The following KCNJ6 variants were observed in gnomAD, a reference collection of about 807,000 sequenced individuals.
The protein encoded by KCNJ6 is potassium inwardly rectifying channel subfamily J member 6, also known as G protein-activated inward rectifier potassium channel 2.
In KCNJ6, 9 loss-of-function variants were observed where a neutral mutation model predicts 34.2. That is an observed-to-expected ratio of 0.26 (90% confidence interval 0.16 to 0.46). KCNJ6 has a LOEUF of 0.46. Among genes scored for constraint, KCNJ6 ranks in the 20% least tolerant of loss-of-function variants. The probability of loss-of-function intolerance (pLI) is 1.00; values close to 1 mark genes in which losing one functional copy is unlikely to be tolerated. For missense variants in KCNJ6, 236 were observed against 531.3 expected (o/e 0.44, Z 5.46); for synonymous variants, 196 against 207.1 (o/e 0.95, Z 0.46).
chr21:37,632,637 G>A (rs887123410), intron 3 of KCNJ6, among the ~76,000 whole-genome samples: 27 of 152,118 alleles, frequency 1.8e-4, no homozygotes, highest in Non-Finnish European at 3.7e-4. Context: ...AGTAAAAGGT[G>A]TAGAAGGCAA....
intron 3 of KCNJ6, among the ~76,000 whole-genome samples, chr21:37,680,646 C>A (rs1251015202): frequency 6.6e-6 from 1 of 152,168 alleles, no homozygotes; most frequent in South Asian, 2.1e-4. Context: ...GCTCCCTTTG[C>A]CTGACTGTAC....
intron 2 of KCNJ6, among the ~76,000 whole-genome samples, chr21:37,758,661 A>C (rs192206578): frequency 6.6e-6 from 1 of 152,130 alleles, no homozygotes; most frequent in East Asian, 1.9e-4. Flanking sequence ...TTTTTGAGAC[A>C]GGGTCTGGCT....
chr21:37,709,928 G>A (rs1222756230), intron 3 of KCNJ6, among the ~76,000 whole-genome samples: 1 of 152,136 alleles, frequency 6.6e-6, no homozygotes, highest in African/African-American at 2.4e-5. Flanking sequence ...ACTCCCAGAT[G>A]GCAACTTCCG....
intron 2 of KCNJ6, among the ~76,000 whole-genome samples, chr21:37,804,260 TGGA>T (rs1311170092): frequency 6.6e-6 from 1 of 152,108 alleles, no homozygotes; most frequent in African/African-American, 2.4e-5. Context: ...GCAGCTTCTG[TGGA>T]AAACAGGTTG....
rs544906463 is a variant in KCNJ6, at chr21:37,736,207, G to T, written c.26-21076C>A. 1.8e-3 allele frequency among the ~76,000 whole-genome samples: 276 copies of T among 152,222 alleles called. 1 individual carries two copies. The highest frequency in any genetic ancestry group is 3.7e-3 in the Admixed American group (57 of 15,296). On this transcript the variant is annotated intron_variant, in intron 2 of 3. Transcript: ENST00000609713. ...GAGCCCTGTGCTAGGCCCTGGGGAT[G>T]CAAAGACCAATAAAACACAAATCCC...
chr21:37,859,536 A>T, intron 1 of KCNJ6, among the ~76,000 whole-genome samples: 1 of 98,128 alleles, frequency 1.0e-5, no homozygotes, highest in African/African-American at 4.7e-5. Context: ...TATATAAAAT[A>T]CTTAAAAAGC....
At position 37,735,966 on chromosome 21, in the gene KCNJ6, G is replaced by C. The variant is rs1439096069; in HGVS notation, c.26-20835C>G. Among the ~76,000 whole-genome samples, 5 of 152,126 alleles carry C rather than the reference G, an allele frequency of 3.3e-5. No individual in the cohort carries two copies. In the South Asian group the frequency reaches 1.0e-3, roughly 32 times the overall value. Reference sequence around the variant, plus strand: ...GGGAAGCACATGGGGTCAGCACTCTGAGAATAATGGAGAATTCTCCCCCTC... The same window carrying C: ...GGGAAGCACATGGGGTCAGCACTCTCAGAATAATGGAGAATTCTCCCCCTC... On this transcript the variant is annotated intron_variant, in intron 2 of 3. Coordinates refer to ENST00000609713, the MANE Select transcript of KCNJ6 (RefSeq NM_002240.5).
intron 1 of KCNJ6, among the ~76,000 whole-genome samples, chr21:37,894,629 A>C (rs1419731741): frequency 6.6e-6 from 1 of 152,028 alleles, no homozygotes; most frequent in Non-Finnish European, 1.5e-5. Flanking sequence ...GTGCCACTGC[A>C]CTCCAGCCTG....
chr21:37,673,392 A>G (rs1040583215), intron 3 of KCNJ6, among the ~76,000 whole-genome samples: 2 of 152,178 alleles, frequency 1.3e-5, no homozygotes, highest in Non-Finnish European at 2.9e-5. Flanking sequence ...CCCCTCTTCC[A>G]GTCCTGTTTC....
chr21:37,822,587 A>AT (rs1017046362), intron 2 of KCNJ6, among the ~76,000 whole-genome samples: 1 of 152,166 alleles, frequency 6.6e-6, no homozygotes, highest in South Asian at 2.1e-4. Context: ...TGAGAGGCAT[A>AT]TTTTTGTTGA....
chr21:37,703,092 T>C (rs1393667083), intron 3 of KCNJ6, among the ~76,000 whole-genome samples: 6 of 152,150 alleles, frequency 3.9e-5, no homozygotes, highest in Admixed American at 3.3e-4. Context: ...GAAAGGGACA[T>C]GGCACCAAAA....
chr21:37,694,558 C>G lies in KCNJ6; in HGVS notation c.946+19653G>C, dbSNP rs73414169. ...TTTAGTCTGCAAAAAGTCAGGTTCT[C>G]TATTCCAGGTGTCAGCGGTGTGTCG... On this transcript the variant is annotated intron_variant, in intron 3 of 3. Coordinates refer to ENST00000609713, the MANE Select transcript of KCNJ6 (RefSeq NM_002240.5). 2.6e-3 allele frequency among the ~76,000 whole-genome samples: 396 copies of G among 152,348 alleles called. 1 individual carries two copies. Among genetic ancestry groups the G allele is most frequent in the African/African-American group, 9.1e-3 (380 of 41,578 alleles).
intron 3 of KCNJ6, among the ~76,000 whole-genome samples, chr21:37,712,943 T>C (rs1399024638): frequency 6.6e-6 from 1 of 152,134 alleles, no homozygotes; most frequent in East Asian, 2.0e-4. Context: ...TACTTTCCGA[T>C]TAGGTTCCTG....
At chr21:37,699,416 G>C (rs777199507) in intron 3 of KCNJ6, among the ~76,000 whole-genome samples, 2 of 152,188 alleles carry the variant, frequency 1.3e-5, no homozygotes, top group Non-Finnish European at 2.9e-5. Context: ...CTTAGGGATA[G>C]AGCATTTTTT....
In KCNJ6 at chr21:37,774,500, C is replaced by T. The variant is rs540534492; in HGVS notation, c.26-59369G>A. Among the ~76,000 whole-genome samples, 30 of 152,022 alleles carry T rather than the reference C, an allele frequency of 2.0e-4. No individual in the cohort carries two copies. In the South Asian group the frequency reaches 5.6e-3, roughly 29 times the overall value. ...ATCTCCTAATGCTATCCCTCCCCCC[C>T]TCCCCCTACCCCACAACAGGCTCTG... is the stretch of plus-strand genomic sequence containing the variant. On this transcript the variant is annotated intron_variant, in intron 2 of 3. Transcript: ENST00000609713.
intron 2 of KCNJ6, among the ~76,000 whole-genome samples, chr21:37,807,456 A>G (rs981901672): frequency 1.3e-5 from 2 of 152,260 alleles, no homozygotes; most frequent in African/African-American, 4.8e-5. Context: ...ATTTAAGAAC[A>G]CAGTCATGTG....
chr21:37,900,907 C>T (rs2055813815), intron 1 of KCNJ6, among the ~76,000 whole-genome samples: 1 of 152,170 alleles, frequency 6.6e-6, no homozygotes, highest in Non-Finnish European at 1.5e-5. Flanking sequence ...TATCAAATAA[C>T]AATATCAGTC....
At chr21:37,907,146 C>T (rs1257394734) in intron 1 of KCNJ6, among the ~76,000 whole-genome samples, 1 of 152,194 alleles carries the variant, frequency 6.6e-6, no homozygotes, top group African/African-American at 2.4e-5. Context: ...AGATTTCATT[C>T]CTTGTCTTTT....
chr21:37,803,448 A>C (rs1195589385), intron 2 of KCNJ6, among the ~76,000 whole-genome samples: 1 of 152,216 alleles, frequency 6.6e-6, no homozygotes, highest in Non-Finnish European at 1.5e-5. Context: ...CAGGAGATTC[A>C]TGGTATATAG....
Sources: gnomAD v4.1 joint callset for allele counts (sites outside exome capture counted in the v4.1 genomes callset) on GRCh38, gnomAD v4.1.1 for gene constraint, MANE v1.5 for transcripts, NCBI Gene and HGNC (gene_info 2026-07-23, HGNC 2026-07-21) for gene names.